Variants in DOCK5 observed in about 807,000 individuals in gnomAD.
DOCK5 encodes dedicator of cytokinesis protein 5.
Under a neutral mutation model 251.8 loss-of-function variants are expected in DOCK5, and 142 were observed. The ratio of observed to expected loss-of-function variants is 0.56; its 90% CI spans 0.49 to 0.65. DOCK5 has a LOEUF of 0.65. Ranked by LOEUF, DOCK5 falls within the 30% of genes least tolerant of loss-of-function variation. The probability of loss-of-function intolerance (pLI) is 0.00; values close to 1 mark genes in which losing one functional copy is unlikely to be tolerated. For synonymous variants in DOCK5, 842 were observed against 835.5 expected, an observed-to-expected ratio of 1.01 and a Z score of -0.13; for missense variants, 2,111 against 2,312.3, an observed-to-expected ratio of 0.91 and a Z score of 1.79.
chr8:25,373,605 TTTTTCCTG>T lies in DOCK5; in HGVS notation c.3685-12_3685-5del, dbSNP rs766062715. The stretch of plus-strand genomic sequence containing the variant: ...TTATGTTGGGATTCTGTGATCCTTT[TTTTTCCTG>T]GCAGAACTTTTATAAAGAAAAGAAG... On this transcript the variant is annotated splice_polypyrimidine_tract_variant and splice_region_variant and intron_variant, in intron 35 of 51. Coordinates refer to ENST00000276440, the MANE Select transcript of DOCK5 (RefSeq NM_024940.8). 2.3e-5 allele frequency: 36 copies of T among 1,588,934 alleles called. No individual in the cohort carries two copies. In the South Asian group the frequency reaches 3.8e-4, roughly 17 times the overall value.
At chr8:25,400,022 C>G in intron 46 of DOCK5, 28 bp downstream of exon 46, 1 of 1,580,296 alleles carries the variant, frequency 6.3e-7, no homozygotes, top group East Asian at 2.2e-5. Flanking sequence ...TCTACACTCC[C>G]AGGGAGGCCA....
intron 1 of DOCK5, among the ~76,000 whole-genome samples, chr8:25,241,523 G>A (rs934210920): frequency 6.6e-6 from 1 of 152,080 alleles, no homozygotes; most frequent in Non-Finnish European, 1.5e-5. Context: ...AGAGGACATG[G>A]AGAAAGAGGA....
At chr8:25,245,571 A>G (rs1435347567) in intron 2 of DOCK5, among the ~76,000 whole-genome samples, 3 of 140,396 alleles carry the variant, frequency 2.1e-5, no homozygotes. Flanking sequence ...ATGGAGTCTC[A>G]TTCTGTCGTC....
intron 1 of DOCK5, among the ~76,000 whole-genome samples, chr8:25,215,708 T>C (rs1802226531): frequency 6.6e-6 from 1 of 152,110 alleles, no homozygotes; most frequent in South Asian, 2.1e-4. Context: ...CTCTTTTTTT[T>C]CACCTTTAAA....
chr8:25,390,219 C>T lies in DOCK5; in HGVS notation c.4287C>T (p.Phe1429=). 1 of 1,590,836 alleles carries T rather than the reference C, an allele frequency of 6.3e-7. No homozygotes were observed. Among genetic ancestry groups the T allele is most frequent in the South Asian group, 1.1e-5 (1 of 87,198 alleles). The change falls in exon 42 of 52, where the codon TTC becomes TTT. Residue 1429 remains phenylalanine (F), a synonymous_variant. Coordinates refer to ENST00000276440, the MANE Select transcript of DOCK5 (RefSeq NM_024940.8). Reference sequence around the variant, plus strand: ...CGAGCTCTTCAGACATGCAGTGCTTCACTGTAAAGCCAGTGATGAGCTTGC... The same window carrying T: ...CGAGCTCTTCAGACATGCAGTGCTTTACTGTAAAGCCAGTGATGAGCTTGC... The part of the protein sequence containing the change: ...KSSPKQYMQC[F]TVKPVMSLPP...
In DOCK5 at chr8:25,408,145, C is replaced by A. The variant is rs371546616; in HGVS notation, c.5256C>A (p.Pro1752=). The A allele has an allele frequency of 1.3e-6, 2 of 1,583,788 alleles. No individual in the cohort carries two copies. Among genetic ancestry groups the A allele is most frequent in the South Asian group, 2.3e-5 (2 of 86,700 alleles). Residue 1752 remains proline, a synonymous_variant, in exon 49 of 52, where the codon CCC becomes CCA. Transcript: ENST00000276440. The stretch of plus-strand genomic sequence containing the variant: ...TCATTGCAGAGAAAGCACCAGAACC[C>A]GATTTGATGGTAAAAAACAGAAAAG... ...SQVIAEKAPE[P]DLMSPTRKAQ... is the part of the protein sequence containing the mutation.
rs1248654895 is a variant in DOCK5 at position 25,415,501 on chromosome 8, G to T, written c.*4203G>T. On this transcript the variant is annotated 3_prime_UTR_variant, in exon 52 of 52. Transcript: ENST00000276440. ...GACGCCTAGGATCTAGCCAAGGCTG[G>T]TCTGCAGTATCAGATGTCCAAACTC... 6.6e-6 allele frequency: 1 copy of T among 152,242 alleles called. No homozygotes were observed. The highest frequency in any genetic ancestry group is 2.1e-4 in the South Asian group (1 of 4,824). 9.4% of individuals were successfully genotyped at this position (152,242 alleles called of 1,614,324 possible). A position where few individuals can be genotyped will look rare whatever the true frequency, so the allele number is the denominator to read the frequency against.
At chr8:25,232,430 C>T (rs539601454) in intron 1 of DOCK5, among the ~76,000 whole-genome samples, 1 of 152,304 alleles carries the variant, frequency 6.6e-6, no homozygotes, top group East Asian at 1.9e-4. Context: ...ATTTGGGATA[C>T]TATAACAAAG....
At chr8:25,232,985 C>A (rs911545689) in intron 1 of DOCK5, among the ~76,000 whole-genome samples, 10 of 152,030 alleles carry the variant, frequency 6.6e-5, no homozygotes, top group African/African-American at 2.4e-4. Context: ...CATGCACTGA[C>A]CAGTACTCAG....
chr8:25,328,565 G>A (rs17053397), intron 18 of DOCK5, among the ~76,000 whole-genome samples: 3,491 of 152,334 alleles, frequency 0.023, 57 homozygotes, highest in South Asian at 0.075. Context: ...ACTGAGTAGA[G>A]AGGGTAGCAG....
chr8:25,303,137 G>C (rs1160447157), intron 10 of DOCK5, among the ~76,000 whole-genome samples: 3 of 152,198 alleles, frequency 2.0e-5, no homozygotes, highest in Non-Finnish European at 4.4e-5. Flanking sequence ...AAAGGTGGAA[G>C]AAGGCACAGA....
At chr8:25,260,796 C>CT (rs756698835) in intron 2 of DOCK5, among the ~76,000 whole-genome samples, 66 of 146,630 alleles carry the variant, frequency 4.5e-4, no homozygotes, top group South Asian at 1.1e-3. Context: ...TTCTTTCTTT[C>CT]TTTTTTTTTT....
At chr8:25,322,640 T>C (rs1038371377) in intron 16 of DOCK5, among the ~76,000 whole-genome samples, 83 of 152,366 alleles carry the variant, frequency 5.4e-4, no homozygotes, top group African/African-American at 1.9e-3. Flanking sequence ...TTGTACATGG[T>C]CCTGTTTAGT....
intron 28 of DOCK5, 90 bp from the exon 29 acceptor site, chr8:25,362,957 C>T: frequency 3.3e-6 from 3 of 921,888 alleles, no homozygotes; most frequent in Non-Finnish European, 3.5e-6. Flanking sequence ...ACATCCTGTT[C>T]TGAGGTTGTG....
At chr8:25,362,174 C>T (rs927122552) in intron 28 of DOCK5, among the ~76,000 whole-genome samples, 1 of 152,186 alleles carries the variant, frequency 6.6e-6, no homozygotes, top group African/African-American at 2.4e-5. Context: ...CACATGATAA[C>T]GTCCCTGGCG....
intron 1 of DOCK5, among the ~76,000 whole-genome samples, chr8:25,188,652 G>A (rs1479215334): frequency 1.3e-5 from 2 of 152,206 alleles, no homozygotes; most frequent in African/African-American, 4.8e-5. Flanking sequence ...TGTTGGCTCA[G>A]GCTCTAGCAT....
In DOCK5 at chr8:25,261,258, C is replaced by T. The variant is rs535697465; in HGVS notation, c.128-7587C>T. On this transcript the variant is annotated intron_variant, in intron 2 of 51. Transcript: ENST00000276440. ...CCATTATTAAGTAAGATTTAGGACA[C>T]GGAGACATTGAATACCCTGCTTTCC... is the stretch of plus-strand genomic sequence containing the variant. Among the ~76,000 whole-genome samples, 24 of 152,176 alleles carry T rather than the reference C, an allele frequency of 1.6e-4. No homozygotes were observed. The South Asian group carries it at 4.8e-3, about 30-fold the overall frequency.
At chr8:25,207,042 CT>C (rs1030146188) in intron 1 of DOCK5, among the ~76,000 whole-genome samples, 1 of 152,188 alleles carries the variant, frequency 6.6e-6, no homozygotes, top group African/African-American at 2.4e-5. Flanking sequence ...GAGTGAGTCT[CT>C]GTTCCTTGCA....
At chr8:25,265,245 T>C (rs1803708940) in intron 2 of DOCK5, among the ~76,000 whole-genome samples, 1 of 152,006 alleles carries the variant, frequency 6.6e-6, no homozygotes, top group Admixed American at 6.5e-5. Context: ...GGACTAGGCA[T>C]CAGTGTTTGT....
Sources: allele counts gnomAD v4.1 joint callset (sites outside exome capture counted in the v4.1 genomes callset), GRCh38; gene constraint gnomAD v4.1.1; transcripts MANE v1.5; gene names NCBI Gene and HGNC (gene_info 2026-07-23, HGNC 2026-07-21).